The following CSMD1 variants were observed in gnomAD, a reference collection of about 807,000 sequenced individuals.
CSMD1 encodes the protein CUB and Sushi multiple domains 1, also known as CUB and sushi domain-containing protein 1.
A neutral mutation model predicts 417.5 loss-of-function variants in CSMD1; 213 were observed. The observed-to-expected ratio is 0.51, with a 90% CI of 0.46 to 0.57. CSMD1 has a LOEUF of 0.57. Among genes scored for constraint, CSMD1 ranks in the 20% least tolerant of loss-of-function variants. The pLI, the probability that CSMD1 is intolerant of heterozygous loss-of-function variation, is 0.00. For missense variants in CSMD1, 6,923 were observed against 4,529.7 expected (o/e 1.53, Z -15.17); for synonymous variants, 2,862 against 1,736.8 (o/e 1.65, Z -16.11).
At chr8:3,502,851 T>G (rs1321717788) in intron 10 of CSMD1, among the ~76,000 whole-genome samples, 1 of 152,150 alleles carries the variant, frequency 6.6e-6, no homozygotes, top group Non-Finnish European at 1.5e-5. Flanking sequence ...TAACGTGCAC[T>G]ATGGACTTTG....
intron 5 of CSMD1, among the ~76,000 whole-genome samples, chr8:3,953,696 G>C (rs1811736224): frequency 6.6e-6 from 1 of 152,086 alleles, no homozygotes; most frequent in Admixed American, 6.5e-5. Context: ...GAGGGGTGAG[G>C]GGTGGATAGG....
intron 1 of CSMD1, among the ~76,000 whole-genome samples, chr8:4,672,789 T>C (rs935455230): frequency 1.3e-5 from 2 of 151,496 alleles, no homozygotes; most frequent in Admixed American, 1.3e-4. Context: ...ATGACACACA[T>C]ACTTACACTC....
intron 2 of CSMD1, among the ~76,000 whole-genome samples, chr8:4,464,107 G>A (rs981441847): frequency 6.6e-6 from 1 of 152,002 alleles, no homozygotes. Context: ...AAAAGAATGA[G>A]ATAGAGCTCA....
chr8:4,111,252 C>T (rs978385128), intron 3 of CSMD1, among the ~76,000 whole-genome samples: 6 of 152,098 alleles, frequency 3.9e-5, no homozygotes, highest in South Asian at 2.1e-4. Flanking sequence ...CTATTATCAT[C>T]AGTCAGTTTG....
chr8:3,991,696 G>C (rs13248586), intron 5 of CSMD1, among the ~76,000 whole-genome samples: 1 of 152,102 alleles, frequency 6.6e-6, no homozygotes, highest in Non-Finnish European at 1.5e-5. Flanking sequence ...GATGAGAGTG[G>C]AGTGCCGACA....
At chr8:3,258,261 A>G (rs1393895834) in intron 26 of CSMD1, among the ~76,000 whole-genome samples, 1 of 152,244 alleles carries the variant, frequency 6.6e-6, no homozygotes, top group Non-Finnish European at 1.5e-5. Flanking sequence ...CGACAAAAAC[A>G]ACCCCATTAA....
chr8:3,290,348 T>A (rs190797628), intron 25 of CSMD1, among the ~76,000 whole-genome samples: 1 of 146,830 alleles, frequency 6.8e-6, no homozygotes, highest in Non-Finnish European at 1.5e-5. Flanking sequence ...AAGTAGTTTT[T>A]TCTAATTCTG....
intron 10 of CSMD1, among the ~76,000 whole-genome samples, chr8:3,523,472 T>A (rs1359158112): frequency 1.3e-5 from 2 of 152,066 alleles, no homozygotes; most frequent in Non-Finnish European, 1.5e-5. Context: ...TAAAGTCCAA[T>A]TCGCCCACCT....
chr8:3,222,986 T>C (rs1351112858), intron 28 of CSMD1, among the ~76,000 whole-genome samples: 1 of 152,200 alleles, frequency 6.6e-6, no homozygotes, highest in Non-Finnish European at 1.5e-5. Flanking sequence ...CAGATACTTG[T>C]CCTTGGATAG....
chr8:3,595,346 C>A (rs2469355), intron 8 of CSMD1, among the ~76,000 whole-genome samples: 117,898 of 152,080 alleles, frequency 0.78, 46,949 homozygotes, highest in Non-Finnish European at 0.88. Context: ...TATTGAAATG[C>A]CTTTTATTAC....
intron 1 of CSMD1, among the ~76,000 whole-genome samples, chr8:4,950,586 A>G (rs1808676544): frequency 6.6e-6 from 1 of 152,186 alleles, no homozygotes; most frequent in Admixed American, 6.6e-5. Context: ...TTCTATGTAA[A>G]ACACTACACA....
chr8:3,047,359 G>A (rs976047032), intron 50 of CSMD1, among the ~76,000 whole-genome samples: 1 of 151,720 alleles, frequency 6.6e-6, no homozygotes, highest in East Asian at 1.9e-4. Context: ...ATTCTTTTCC[G>A]CTGCTGTTTG....
chr8:4,434,791 T>C (rs573276750), intron 2 of CSMD1, among the ~76,000 whole-genome samples: 2 of 152,132 alleles, frequency 1.3e-5, no homozygotes, highest in Non-Finnish European at 2.9e-5. Context: ...CTCCAGACCC[T>C]GCACCGCCCA....
intron 6 of CSMD1, among the ~76,000 whole-genome samples, chr8:3,745,307 G>A (rs781475706): frequency 6.6e-6 from 1 of 152,174 alleles, no homozygotes; most frequent in Non-Finnish European, 1.5e-5. Context: ...ATGATGGTCA[G>A]CTCTGCAAGA....
At chr8:4,269,896 A>G (rs927774949) in intron 3 of CSMD1, among the ~76,000 whole-genome samples, 6 of 152,222 alleles carry the variant, frequency 3.9e-5, no homozygotes, top group Non-Finnish European at 8.8e-5. Flanking sequence ...TATATTACAG[A>G]ATTCCATTAC....
chr8:3,617,646 C>G (rs1159068), intron 7 of CSMD1, among the ~76,000 whole-genome samples: 105,815 of 151,908 alleles, frequency 0.7, 37,238 homozygotes, highest in Middle Eastern at 0.76. Flanking sequence ...AGAACTATTG[C>G]TGCCATTTTC....
chr8:4,243,016 C>T (rs1397662084), intron 3 of CSMD1, among the ~76,000 whole-genome samples: 1 of 152,100 alleles, frequency 6.6e-6, no homozygotes, highest in Non-Finnish European at 1.5e-5. Context: ...GCAAAGGAAA[C>T]AGACTAGAAT....
At chr8:4,273,014 G>C (rs1475967301) in intron 3 of CSMD1, among the ~76,000 whole-genome samples, 2 of 152,118 alleles carry the variant, frequency 1.3e-5, no homozygotes, top group African/African-American at 4.8e-5. Flanking sequence ...TCATGTACCT[G>C]ACATTTCTAA....
At chr8:4,918,022 T>A (rs945717999) in intron 1 of CSMD1, among the ~76,000 whole-genome samples, 1 of 152,222 alleles carries the variant, frequency 6.6e-6, no homozygotes, top group Non-Finnish European at 1.5e-5. Flanking sequence ...GAAAAATCAC[T>A]TGTAAAATAA....
Sources: allele counts gnomAD v4.1 joint callset (sites outside exome capture counted in the v4.1 genomes callset), GRCh38; gene constraint gnomAD v4.1.1; transcripts MANE v1.5; gene names NCBI Gene and HGNC (gene_info 2026-07-23, HGNC 2026-07-21).